PARD3: variants seen among roughly 807,000 people sequenced by gnomAD.
PARD3 encodes the protein partitioning defective 3 homolog.
PARD3 carries 75 observed loss-of-function variants against 155.4 expected under a neutral mutation model. The ratio of observed to expected loss-of-function variants is 0.48; its 90% confidence interval spans 0.40 to 0.58. The LOEUF (loss-of-function observed/expected upper bound fraction) is 0.58, where lower values mean the gene tolerates loss of function less well. Ranked by LOEUF, PARD3 falls within the 20% of genes least tolerant of loss-of-function variation. The probability of loss-of-function intolerance (pLI) is 0.00; values close to 1 mark genes in which losing one functional copy is unlikely to be tolerated. For synonymous variants in PARD3, 576 were observed against 610.5 expected (o/e 0.94, Z 0.83); for missense variants, 1,642 against 1,721.7 (o/e 0.95, Z 0.82).
At chr10:34,462,320 G>A (rs2077701776) in intron 4 of PARD3, among the ~76,000 whole-genome samples, 2 of 152,168 alleles carry the variant, frequency 1.3e-5, no homozygotes, top group African/African-American at 4.8e-5. Context: ...TGGAAGCTAT[G>A]CTTGGCTCAC....
chr10:34,751,771 CTT>C (rs546186706), intron 1 of PARD3, among the ~76,000 whole-genome samples: 23 of 137,508 alleles, frequency 1.7e-4, no homozygotes, highest in Admixed American at 1.5e-4. Context: ...GCCTGTCTAG[CTT>C]TTTTTTTTTT....
intron 3 of PARD3, among the ~76,000 whole-genome samples, chr10:34,512,290 T>G (rs896558973): frequency 6.6e-6 from 1 of 152,208 alleles, no homozygotes; most frequent in Admixed American, 6.5e-5. Flanking sequence ...TTCCAAATAA[T>G]AAGATGGCTC....
intron 21 of PARD3, among the ~76,000 whole-genome samples, chr10:34,270,318 T>C (rs548699910): frequency 3.3e-5 from 5 of 152,094 alleles, no homozygotes; most frequent in Admixed American, 6.5e-5. Flanking sequence ...AATTTTTGTA[T>C]TTTCAGTAGA....
At chr10:34,648,740 C>G (rs538890700) in intron 2 of PARD3, among the ~76,000 whole-genome samples, 1 of 152,314 alleles carries the variant, frequency 6.6e-6, no homozygotes, top group South Asian at 2.1e-4. Flanking sequence ...ACACAGTGGT[C>G]TGCGGGTTGG....
At chr10:34,704,968 C>T (rs1436410971) in intron 1 of PARD3, among the ~76,000 whole-genome samples, 3 of 152,072 alleles carry the variant, frequency 2.0e-5, no homozygotes, top group Non-Finnish European at 4.4e-5. Context: ...TTTAAAAAGT[C>T]AACAAAAGAG....
chr10:34,192,649 G>A (rs1950763898), intron 22 of PARD3, among the ~76,000 whole-genome samples: 1 of 152,186 alleles, frequency 6.6e-6, no homozygotes, highest in Non-Finnish European at 1.5e-5. Context: ...GCCCCAAAGA[G>A]TAAAGGTGAC....
At chr10:34,181,375 A>C (rs1165425783) in intron 22 of PARD3, among the ~76,000 whole-genome samples, 2 of 152,208 alleles carry the variant, frequency 1.3e-5, no homozygotes, top group African/African-American at 4.8e-5. Context: ...AAAAATACGT[A>C]TCTGTATAAC....
chr10:34,691,295 A>G (rs892618046), intron 2 of PARD3, among the ~76,000 whole-genome samples: 7 of 152,234 alleles, frequency 4.6e-5, no homozygotes, highest in Non-Finnish European at 8.8e-5. Context: ...CCTACACACC[A>G]ACAACATCCA....
chr10:34,702,073 G>A (rs2094290101), intron 1 of PARD3, among the ~76,000 whole-genome samples: 1 of 152,082 alleles, frequency 6.6e-6, no homozygotes, highest in Non-Finnish European at 1.5e-5. Flanking sequence ...GCTGAGGCAG[G>A]AGAATCGCTT....
chr10:34,210,676 G>A (rs994868904), intron 22 of PARD3, among the ~76,000 whole-genome samples: 5 of 152,246 alleles, frequency 3.3e-5, no homozygotes, highest in Non-Finnish European at 5.9e-5. Context: ...TAACTCTGTG[G>A]TCTCCTAGAG....
intron 22 of PARD3, among the ~76,000 whole-genome samples, chr10:34,207,680 G>A (rs769904997): frequency 6.6e-6 from 1 of 151,980 alleles, no homozygotes; most frequent in African/African-American, 2.4e-5. Context: ...CCCCAAAACC[G>A]CCCACTAATG....
At chr10:34,457,936 A>C (rs760728915) in intron 4 of PARD3, among the ~76,000 whole-genome samples, 18 of 152,188 alleles carry the variant, frequency 1.2e-4, no homozygotes, top group Non-Finnish European at 2.4e-4. Flanking sequence ...CCAACTTCTC[A>C]TTCTTAATCT....
At chr10:34,645,268 T>C (rs2092803677) in intron 2 of PARD3, among the ~76,000 whole-genome samples, 1 of 152,064 alleles carries the variant, frequency 6.6e-6, no homozygotes, top group South Asian at 2.1e-4. Context: ...TGCAGTGATA[T>C]GATCTCGGCT....
chr10:34,171,740 A>T (rs1465818136), intron 22 of PARD3, among the ~76,000 whole-genome samples: 1 of 151,946 alleles, frequency 6.6e-6, no homozygotes, highest in Non-Finnish European at 1.5e-5. Flanking sequence ...ACCTGAGGTC[A>T]GGAGTTCAAG....
intron 1 of PARD3, among the ~76,000 whole-genome samples, chr10:34,788,358 C>T (rs544155521): frequency 1.3e-5 from 2 of 152,208 alleles, no homozygotes; most frequent in South Asian, 4.1e-4. Context: ...TTAACATGGA[C>T]GACTCTAAAC....
At chr10:34,682,958 T>C (rs2093873167) in intron 2 of PARD3, among the ~76,000 whole-genome samples, 1 of 152,190 alleles carries the variant, frequency 6.6e-6, no homozygotes, top group Non-Finnish European at 1.5e-5. Context: ...GTGGTGGTGG[T>C]GATGGTGGCC....
intron 2 of PARD3, among the ~76,000 whole-genome samples, chr10:34,669,771 T>G (rs564850231): frequency 6.6e-6 from 1 of 152,252 alleles, no homozygotes; most frequent in Admixed American, 6.5e-5. Context: ...TGCATTAAAA[T>G]GTGATTTAAA....
At chr10:34,592,355 A>G (rs766025420) in intron 2 of PARD3, among the ~76,000 whole-genome samples, 1 of 152,252 alleles carries the variant, frequency 6.6e-6, no homozygotes, top group African/African-American at 2.4e-5. Flanking sequence ...ACAAAGGCAC[A>G]GGTGAGGACA....
chr10:34,428,557 A>G (rs769875354), intron 5 of PARD3, among the ~76,000 whole-genome samples: 8 of 152,230 alleles, frequency 5.3e-5, no homozygotes, highest in Middle Eastern at 3.2e-3. Context: ...AAACTCATTT[A>G]TATTAGTGCA....
Sources: allele counts gnomAD v4.1 joint callset (sites outside exome capture counted in the v4.1 genomes callset), GRCh38; gene constraint gnomAD v4.1.1; transcripts MANE v1.5; gene names NCBI Gene and HGNC (gene_info 2026-07-23, HGNC 2026-07-21).